Variants in CYYR1 observed in about 807,000 individuals in gnomAD.
CYYR1 encodes cysteine and tyrosine-rich protein 1.
In CYYR1, 14 loss-of-function variants were observed where a neutral mutation model predicts 15.2. That is an observed-to-expected ratio of 0.92 (90% CI 0.61 to 1.44). The LOEUF (loss-of-function observed/expected upper bound fraction) is 1.44, where lower values mean the gene tolerates loss of function less well. Among genes scored for constraint, CYYR1 ranks in the 40% most tolerant of loss-of-function variants. The pLI is 0.00. For missense variants in CYYR1, 228 were observed against 209.5 expected (o/e 1.09, Z -0.54); for synonymous variants, 80 against 77.4 (o/e 1.03, Z -0.18).
At chr21:26,495,040 T>C (rs2065377076) in intron 2 of CYYR1, among the ~76,000 whole-genome samples, 1 of 152,172 alleles carries the variant, frequency 6.6e-6, no homozygotes, top group Non-Finnish European at 1.5e-5. Flanking sequence ...AGGAACAACC[T>C]GAGAAATGAC....
At chr21:26,513,996 T>C (rs1350567466) in intron 2 of CYYR1, among the ~76,000 whole-genome samples, 1 of 151,388 alleles carries the variant, frequency 6.6e-6, no homozygotes, top group Non-Finnish European at 1.5e-5. Flanking sequence ...CACACCAACA[T>C]GGCACATGTA....
intron 2 of CYYR1, among the ~76,000 whole-genome samples, chr21:26,542,978 A>G (rs1342762153): frequency 2.0e-5 from 3 of 152,232 alleles, no homozygotes; most frequent in African/African-American, 7.2e-5. Context: ...CCTAAATGAT[A>G]TATTCAACAC....
chr21:26,481,298 T>C (rs1182929112), intron 2 of CYYR1, among the ~76,000 whole-genome samples: 1 of 152,088 alleles, frequency 6.6e-6, no homozygotes, highest in East Asian at 1.9e-4. Flanking sequence ...AGGATGTTCA[T>C]CACAGTGTTG....
chr21:26,566,265 C>A lies in CYYR1; in HGVS notation c.176+1G>T, dbSNP rs150580100. The A allele has an allele frequency of 2.5e-6, 4 of 1,610,048 alleles. No homozygotes were observed. The South Asian group carries it at 4.4e-5, about 18-fold the overall frequency. ...TATTGCCAAATCTGACGAATACTCA[C>A]GAGAGGATATTCCCAATATAAGCGT... On this transcript the variant is annotated splice_donor_variant, in intron 2 of 3. Coordinates refer to ENST00000652641, the MANE Select transcript of CYYR1 (RefSeq NM_001320768.2). LOFTEE classifies it high-confidence loss of function.
In CYYR1 at chr21:26,517,014, C is replaced by T. The variant is rs552697011; in HGVS notation, c.177-36585G>A. Among the ~76,000 whole-genome samples the T allele has an allele frequency of 2.8e-5, 4 of 143,668 alleles. No homozygotes were observed. In the East Asian group the frequency reaches 8.5e-4, roughly 31 times the overall value. The allele number at this position is 143,668 out of a possible 152,430, so 94.3% of individuals were successfully genotyped here. A position where few individuals can be genotyped will look rare whatever the true frequency, so the allele number is the denominator to read the frequency against. On this transcript the variant is annotated intron_variant, in intron 2 of 3. Coordinates refer to ENST00000652641, the MANE Select transcript of CYYR1 (RefSeq NM_001320768.2). ...CCTGTAGTCCCAGCTACTCGGGAGG[C>T]TGAGGCAGGAGAATGGCGTGAACCC...
chr21:26,466,219 G>A lies in CYYR1; in HGVS notation c.*2282C>T, dbSNP rs1181275392. 1 of 152,162 alleles carries A rather than the reference G, an allele frequency of 6.6e-6. No individual in the cohort carries two copies. Among genetic ancestry groups the A allele is most frequent in the African/African-American group, 2.4e-5 (1 of 41,460 alleles). The allele number at this position is 152,162 out of a possible 1,614,324, so 9.4% of individuals were successfully genotyped here. On this transcript the variant is annotated 3_prime_UTR_variant, in exon 4 of 4. Coordinates refer to ENST00000652641, the MANE Select transcript of CYYR1 (RefSeq NM_001320768.2). The stretch of plus-strand genomic sequence containing the variant: ...ACAAGACAATGAAAATATAATCTGT[G>A]TTATAATAGGTTCTTTCACTTTATT...
At chr21:26,536,616 A>G (rs1041855003) in intron 2 of CYYR1, among the ~76,000 whole-genome samples, 1 of 152,140 alleles carries the variant, frequency 6.6e-6, no homozygotes, top group Non-Finnish European at 1.5e-5. Context: ...TGCTTTTAAA[A>G]TTCAATACTT....
chr21:26,546,467 T>G (rs908053978), intron 2 of CYYR1, among the ~76,000 whole-genome samples: 1 of 152,210 alleles, frequency 6.6e-6, no homozygotes, highest in African/African-American at 2.4e-5. Context: ...GGGCTGTTGA[T>G]CATGCTTGGG....
chr21:26,504,761 C>G (rs997138973), intron 2 of CYYR1, among the ~76,000 whole-genome samples: 1 of 152,126 alleles, frequency 6.6e-6, no homozygotes, highest in East Asian at 1.9e-4. Context: ...TTCATTCTTT[C>G]TATTGTTTTG....
chr21:26,517,363 C>G (rs1236101), intron 2 of CYYR1, among the ~76,000 whole-genome samples: 50,768 of 151,956 alleles, frequency 0.33, 8,711 homozygotes, highest in Middle Eastern at 0.37. Flanking sequence ...TCAGATAAAT[C>G]TAATTATTTC....
intron 2 of CYYR1, among the ~76,000 whole-genome samples, chr21:26,561,438 A>T (rs1190292834): frequency 6.6e-6 from 1 of 152,098 alleles, no homozygotes; most frequent in African/African-American, 2.4e-5. Flanking sequence ...CTCAAATGCC[A>T]CTCGAAAATA....
At chr21:26,555,760 A>C (rs1979731990) in intron 2 of CYYR1, among the ~76,000 whole-genome samples, 1 of 152,136 alleles carries the variant, frequency 6.6e-6, no homozygotes. Context: ...TGTACATCCT[A>C]ACATTTTGCA....
chr21:26,508,371 G>A (rs2065597884), intron 2 of CYYR1, among the ~76,000 whole-genome samples: 1 of 152,188 alleles, frequency 6.6e-6, no homozygotes, highest in Admixed American at 6.5e-5. Context: ...GTTTGTTCTA[G>A]CAATTCACAT....
At chr21:26,529,899 G>T (rs901933731) in intron 2 of CYYR1, among the ~76,000 whole-genome samples, 1 of 152,094 alleles carries the variant, frequency 6.6e-6, no homozygotes, top group Non-Finnish European at 1.5e-5. Context: ...ATCCTCAAAG[G>T]CTCCTTTCTT....
chr21:26,518,637 T>G (rs1041175734), intron 2 of CYYR1: 2 of 152,256 alleles, frequency 1.3e-5, no homozygotes, highest in African/African-American at 4.8e-5. Flanking sequence ...GCAGACAGAC[T>G]AAGACACTGC....
At position 26,487,151 on chromosome 21, in the gene CYYR1, T is replaced by C. The variant is rs116811105; in HGVS notation, c.177-6722A>G. Reference sequence around the variant, plus strand: ...ATTTTTGTTAGGATAAACTTCCATATGGAAATAAGAGTTTGAAATAAAATA... The same window carrying C: ...ATTTTTGTTAGGATAAACTTCCATACGGAAATAAGAGTTTGAAATAAAATA... On this transcript the variant is annotated intron_variant, in intron 2 of 3. Coordinates refer to ENST00000652641, the MANE Select transcript of CYYR1 (RefSeq NM_001320768.2). Among the ~76,000 whole-genome samples, 1,002 of 152,084 alleles carry C rather than the reference T, an allele frequency of 6.6e-3. 12 individuals are homozygous for C. Among genetic ancestry groups the C allele is most frequent in the African/African-American group, 0.023 (974 of 41,538 alleles).
At chr21:26,486,920 A>G (rs756025251) in intron 2 of CYYR1, among the ~76,000 whole-genome samples, 1 of 152,066 alleles carries the variant, frequency 6.6e-6, no homozygotes, top group Non-Finnish European at 1.5e-5. Flanking sequence ...AGTAATATTT[A>G]TCTTCTTCTC....
At chr21:26,470,202 C>A (rs897703643) in intron 3 of CYYR1, among the ~76,000 whole-genome samples, 1 of 152,126 alleles carries the variant, frequency 6.6e-6, no homozygotes, top group Admixed American at 6.6e-5. Flanking sequence ...AAAGTAATTG[C>A]AGTTTTTGCC....
chr21:26,564,789 C>T, intron 2 of CYYR1: 1 of 1,247,300 alleles, frequency 8.0e-7, no homozygotes, highest in Non-Finnish European at 1.0e-6. Context: ...TCACATTCTC[C>T]AAGTTATACT....
Sources: gnomAD v4.1 joint callset for allele counts (sites outside exome capture counted in the v4.1 genomes callset) on GRCh38, gnomAD v4.1.1 for gene constraint, MANE v1.5 for transcripts, NCBI Gene and HGNC (gene_info 2026-07-23, HGNC 2026-07-21) for gene names.